BMPER: variants seen among roughly 807,000 people sequenced by gnomAD.
BMPER encodes BMP binding endothelial regulator.
BMPER carries 45 observed loss-of-function variants against 87.3 expected under a neutral mutation model. That is an observed-to-expected ratio of 0.52 (90% CI 0.41 to 0.66). The LOEUF is 0.66. Ranked by LOEUF, BMPER falls within the 30% of genes least tolerant of loss-of-function variation. BMPER has a pLI of 0.00. For synonymous variants in BMPER, 326 were observed against 316.2 expected (o/e 1.03, Z -0.33); for missense variants, 784 against 867.5 (o/e 0.90, Z 1.21).
intron 5 of BMPER, 152 bp downstream of exon 5, chr7:33,970,571 G>T (rs189325189): frequency 2.8e-5 from 23 of 831,492 alleles, no homozygotes; most frequent in Middle Eastern, 3.3e-4. Context: ...AGAAATATCC[G>T]CTTGGCTGCC....
chr7:33,959,642 G>C (rs1291886632), intron 3 of BMPER, among the ~76,000 whole-genome samples: 1 of 152,096 alleles, frequency 6.6e-6, no homozygotes. Flanking sequence ...AAAAGTTGCG[G>C]CAAGGATTTT....
At chr7:33,906,699 AT>A in intron 1 of BMPER, 118 bp from the exon 2 acceptor site, 1 of 876,264 alleles carries the variant, frequency 1.1e-6, no homozygotes, top group Non-Finnish European at 1.9e-6. Context: ...TTTAAACCAC[AT>A]TAAGAATTCT....
chr7:33,924,799 C>G (rs919444108), intron 2 of BMPER, among the ~76,000 whole-genome samples: 1 of 152,292 alleles, frequency 6.6e-6, no homozygotes, highest in East Asian at 1.9e-4. Context: ...TCCTGAGTAG[C>G]TGGGATTACA....
In BMPER at chr7:34,056,616, CT is replaced by C. The variant is rs34663962; in HGVS notation, c.927+1333del. On this transcript the variant is annotated intron_variant, in intron 9 of 14. Transcript: ENST00000649409. Reference sequence around the variant, plus strand: ...TCACCATGGTGCTGTGTGCAATGCACTTTTTTTTTTTTTTTTTTTTAGATGG... The same window carrying C: ...TCACCATGGTGCTGTGTGCAATGCACTTTTTTTTTTTTTTTTTTTAGATGG... 2.8e-3 allele frequency among the ~76,000 whole-genome samples: 366 copies of C among 131,156 alleles called. 1 individual carries two copies. Among genetic ancestry groups the C allele is most frequent in the Middle Eastern group, 0.025 (6 of 242 alleles). 86.0% of individuals were successfully genotyped at this position (131,156 alleles called of 152,430 possible). A position where few individuals can be genotyped will look rare whatever the true frequency, so the allele number is the denominator to read the frequency against.
At chr7:34,011,583 CAAAA>C (rs36022297) in intron 6 of BMPER, among the ~76,000 whole-genome samples, 773 of 45,756 alleles carry the variant, frequency 0.017, 2 homozygotes, top group African/African-American at 0.049. Flanking sequence ...TTGGTCAGGG[CAAAA>C]AAAAAAAAAA....
chr7:33,987,590 C>A (rs917987049), intron 6 of BMPER, among the ~76,000 whole-genome samples: 2 of 152,146 alleles, frequency 1.3e-5, no homozygotes, highest in Non-Finnish European at 2.9e-5. Flanking sequence ...TCTGGGTGCA[C>A]CTTCCATATA....
intron 6 of BMPER, among the ~76,000 whole-genome samples, chr7:34,002,530 G>A (rs1786608693): frequency 6.6e-6 from 1 of 151,712 alleles, no homozygotes; most frequent in South Asian, 2.1e-4. Context: ...CTTTGTATCT[G>A]TTAGGCCTAC....
intron 11 of BMPER, among the ~76,000 whole-genome samples, chr7:34,065,514 A>G (rs1426635428): frequency 6.6e-6 from 1 of 152,198 alleles, no homozygotes; most frequent in African/African-American, 2.4e-5. Flanking sequence ...AGGAAACAGC[A>G]TGGGTGAATG....
intron 6 of BMPER, among the ~76,000 whole-genome samples, chr7:34,018,406 T>C (rs1242077301): frequency 1.3e-5 from 2 of 151,882 alleles, no homozygotes; most frequent in African/African-American, 4.8e-5. Context: ...AAAGTAAAAA[T>C]AGGCAAGCAG....
In BMPER at chr7:34,055,188, A is replaced by T. The variant is rs201554625; in HGVS notation, c.812A>T (p.Lys271Met). 5 of 1,614,146 alleles carry T rather than the reference A, an allele frequency of 3.1e-6. No homozygotes were observed. In the East Asian group the frequency reaches 6.7e-5, roughly 22 times the overall value. ...GACTCTACTGTGGTTTGCAAGAGGA[A>T]GTGCTCCCACCCTGGTGGCTGTGAC... is the stretch of plus-strand genomic sequence containing the variant. ...CRDSTVVCKRKCSHPGGCDQG... is the reference protein window; with the variant it reads ...CRDSTVVCKRMCSHPGGCDQG... The change falls in exon 9 of 15, where the codon AAG becomes ATG. Residue 271 changes from lysine to methionine, a missense_variant. Transcript: ENST00000649409.
At chr7:34,128,136 T>A (rs1235527053) in intron 13 of BMPER, among the ~76,000 whole-genome samples, 1 of 152,208 alleles carries the variant, frequency 6.6e-6, no homozygotes, top group Non-Finnish European at 1.5e-5. Context: ...ATGGAATGTA[T>A]GCCGATTCAA....
chr7:34,124,198 T>A (rs1193195752), intron 13 of BMPER, among the ~76,000 whole-genome samples: 1 of 152,212 alleles, frequency 6.6e-6, no homozygotes, highest in Non-Finnish European at 1.5e-5. Context: ...TCTCCTCTTT[T>A]AGGTACATCT....
rs571613607 is a variant in BMPER, at chr7:34,079,436, T to G, written c.1408+250T>G. ...CAATTGGATGCCAGTCCCACCAGTC[T>G]TGCAATCTTCCCACATCCAGAACCT... On this transcript the variant is annotated intron_variant, in intron 12 of 14. Coordinates refer to ENST00000649409, the MANE Select transcript of BMPER (RefSeq NM_001365308.1). 2.0e-5 allele frequency among the ~76,000 whole-genome samples: 3 copies of G among 152,282 alleles called. No homozygotes were observed. The South Asian group carries it at 6.2e-4, about 32-fold the overall frequency.
Position 34,005,008 on chromosome 7 carries a change from C to A in BMPER, c.576+30224C>A, listed in dbSNP as rs373651084. Among the ~76,000 whole-genome samples the A allele has an allele frequency of 1.3e-3, 203 of 152,228 alleles. 1 individual carries two copies. Among genetic ancestry groups the A allele is most frequent in the African/African-American group, 4.7e-3 (196 of 41,552 alleles). On this transcript the variant is annotated intron_variant, in intron 6 of 14. Transcript: ENST00000649409. Reference sequence around the variant, plus strand: ...TTACTCAGTATCTTGTTAACTCCTGCTTTAATGCTGCTTCAAGTAGCTGCA... The same window carrying A: ...TTACTCAGTATCTTGTTAACTCCTGATTTAATGCTGCTTCAAGTAGCTGCA...
intron 13 of BMPER, among the ~76,000 whole-genome samples, chr7:34,123,081 C>A (rs1479750161): frequency 2.6e-5 from 4 of 152,050 alleles, no homozygotes; most frequent in Non-Finnish European, 5.9e-5. Flanking sequence ...TTATATGTTA[C>A]CCCCACAATT....
At chr7:33,998,741 C>T (rs575523168) in intron 6 of BMPER, among the ~76,000 whole-genome samples, 1 of 152,314 alleles carries the variant, frequency 6.6e-6, no homozygotes, top group Admixed American at 6.5e-5. Context: ...TGGCTTTGTG[C>T]AGCCAAACAG....
At chr7:34,148,133 G>A (rs1018561363) in intron 14 of BMPER, among the ~76,000 whole-genome samples, 7 of 152,136 alleles carry the variant, frequency 4.6e-5, no homozygotes, top group South Asian at 4.2e-4. Flanking sequence ...CCAAGGATCC[G>A]CCCTTCCCTG....
chr7:34,004,793 G>A (rs1022777892), intron 6 of BMPER, among the ~76,000 whole-genome samples: 1 of 152,104 alleles, frequency 6.6e-6, no homozygotes, highest in Non-Finnish European at 1.5e-5. Context: ...ATTTCAGTGG[G>A]AAGTTTACAA....
intron 11 of BMPER, among the ~76,000 whole-genome samples, chr7:34,070,575 C>G (rs1157984187): frequency 1.3e-5 from 2 of 152,198 alleles, no homozygotes; most frequent in Non-Finnish European, 1.5e-5. Context: ...GAAACCTACA[C>G]CAGCTTCCTT....
Sources: gnomAD v4.1 joint callset for allele counts (sites outside exome capture counted in the v4.1 genomes callset) on GRCh38, gnomAD v4.1.1 for gene constraint, MANE v1.5 for transcripts, NCBI Gene and HGNC (gene_info 2026-07-23, HGNC 2026-07-21) for gene names.